Variants in TENM3 observed in about 807,000 individuals in gnomAD.
The protein encoded by TENM3 is teneurin-3.
Under a neutral mutation model 255.1 loss-of-function variants are expected in TENM3, and 63 were observed. The observed-to-expected ratio is 0.25, with a 90% confidence interval of 0.20 to 0.30. The LOEUF is 0.30. Among genes scored for constraint, TENM3 ranks in the 10% least tolerant of loss-of-function variants. The pLI, the probability that TENM3 is intolerant of heterozygous loss-of-function variation, is 1.00. For synonymous variants in TENM3, 1,306 were observed against 1,322.3 expected (o/e 0.99, Z 0.27); for missense variants, 2,929 against 3,461.1 (o/e 0.85, Z 3.86).
At chr4:182,344,706 A>G (rs1489899001) in intron 2 of TENM3, among the ~76,000 whole-genome samples, 2 of 152,082 alleles carry the variant, frequency 1.3e-5, no homozygotes, top group Admixed American at 1.3e-4. Context: ...AAAGGATCTT[A>G]TTTATTTTTC....
At chr4:182,598,706 G>A (rs941748484) in intron 3 of TENM3, among the ~76,000 whole-genome samples, 2 of 152,182 alleles carry the variant, frequency 1.3e-5, no homozygotes, top group African/African-American at 4.8e-5. Flanking sequence ...TCTAGAAAAT[G>A]TACTTGGGAT....
At chr4:182,421,383 A>AAT (rs1186628663) in intron 3 of TENM3, among the ~76,000 whole-genome samples, 1 of 152,172 alleles carries the variant, frequency 6.6e-6, no homozygotes, top group African/African-American at 2.4e-5. Context: ...CAGCCCTGAC[A>AAT]ATATATATAC....
chr4:182,091,366 T>G, the TENM3 span, among the ~76,000 whole-genome samples: 2 of 152,206 alleles, frequency 1.3e-5, no homozygotes, highest in Admixed American at 1.3e-4. Context: ...GCAAAGGGGA[T>G]GCTGAGGTGA....
the TENM3 span, among the ~76,000 whole-genome samples, chr4:182,014,168 A>G: frequency 1.4e-5 from 2 of 147,754 alleles, no homozygotes; most frequent in Non-Finnish European, 3.0e-5. Flanking sequence ...ATACATATAT[A>G]TACATATATA....
intron 22 of TENM3, among the ~76,000 whole-genome samples, chr4:182,756,482 G>A (rs1762754460): frequency 6.6e-6 from 1 of 152,130 alleles, no homozygotes; most frequent in Non-Finnish European, 1.5e-5. Flanking sequence ...AGCCATGAGG[G>A]GAAATGAGAT....
At chr4:182,648,888 T>C (rs1250056239) in intron 5 of TENM3, among the ~76,000 whole-genome samples, 1 of 152,196 alleles carries the variant, frequency 6.6e-6, no homozygotes, top group East Asian at 1.9e-4. Context: ...ATCTATATTG[T>C]TGTGTCTGCC....
chr4:181,747,757 TA>T, the TENM3 span, among the ~76,000 whole-genome samples: 10 of 152,186 alleles, frequency 6.6e-5, no homozygotes, highest in South Asian at 4.1e-4. Flanking sequence ...TAAATGAATT[TA>T]TGTTCTAGAA....
the TENM3 span, among the ~76,000 whole-genome samples, chr4:181,893,487 G>GCCCCC: frequency 5.8e-4 from 43 of 74,736 alleles, no homozygotes; most frequent in Non-Finnish European, 7.7e-4. Context: ...ACTTTCCCCT[G>GCCCCC]CCCACCCCCC....
At chr4:181,634,389 T>C in the TENM3 span, among the ~76,000 whole-genome samples, 1 of 142,274 alleles carries the variant, frequency 7.0e-6, no homozygotes, top group Non-Finnish European at 1.6e-5. Flanking sequence ...TAATTCTTTT[T>C]TTTTTTTTTT....
the TENM3 span, among the ~76,000 whole-genome samples, chr4:181,584,050 T>C: frequency 6.6e-6 from 1 of 152,192 alleles, no homozygotes; most frequent in East Asian, 1.9e-4. Flanking sequence ...GCACTCCTGT[T>C]TGCCTTTCAA....
chr4:181,682,954 C>A, the TENM3 span, among the ~76,000 whole-genome samples: 2 of 151,900 alleles, frequency 1.3e-5, no homozygotes, highest in East Asian at 1.9e-4. Context: ...TAGCTCACAC[C>A]TTTAATCCCA....
the TENM3 span, among the ~76,000 whole-genome samples, chr4:181,452,748 T>C: frequency 6.6e-6 from 1 of 152,306 alleles, no homozygotes; most frequent in South Asian, 2.1e-4. Context: ...AGCAATTTTG[T>C]GCAGAGCATA....
chr4:181,999,159 C>T, the TENM3 span, among the ~76,000 whole-genome samples: 1 of 152,134 alleles, frequency 6.6e-6, no homozygotes, highest in Non-Finnish European at 1.5e-5. Flanking sequence ...AACCTTGTCT[C>T]TCATCCTTCT....
At chr4:182,561,452 A>T (rs1047265467) in intron 3 of TENM3, among the ~76,000 whole-genome samples, 1 of 151,816 alleles carries the variant, frequency 6.6e-6, no homozygotes, top group African/African-American at 2.4e-5. Context: ...ATATTAAAAA[A>T]AAAAGGAAAG....
rs199857813 is a variant in TENM3, at chr4:182,751,905, G to A, written c.3735G>A (p.Thr1245=). ...GAATTTATCGCCCAAAGTCACTTAC[G>A]GGGGCAAAAGACTTGACTAAAAATG... ...TRRIYRPKSL[T]GAKDLTKNAE... Residue 1245 remains threonine (T), a synonymous_variant, in exon 20 of 28, where the codon ACG becomes ACA. Transcript: ENST00000511685. The A allele has an allele frequency of 2.0e-5, 32 of 1,613,608 alleles. No homozygotes were observed. The highest frequency in any genetic ancestry group is 1.1e-4 in the South Asian group (10 of 91,072).
At chr4:182,697,752 C>T (rs535938128) in intron 12 of TENM3, 1 of 152,300 alleles carries the variant, frequency 6.6e-6, no homozygotes, top group Admixed American at 6.5e-5. Flanking sequence ...TTTATAAACA[C>T]TACTTTAGCC....
chr4:181,841,241 A>G, the TENM3 span, among the ~76,000 whole-genome samples: 2 of 152,108 alleles, frequency 1.3e-5, no homozygotes, highest in Non-Finnish European at 2.9e-5. Flanking sequence ...TTTATTAAAT[A>G]TATTTTCTTA....
At chr4:181,901,118 A>G in the TENM3 span, among the ~76,000 whole-genome samples, 1 of 152,216 alleles carries the variant, frequency 6.6e-6, no homozygotes, top group Non-Finnish European at 1.5e-5. Flanking sequence ...CAAAAATCAT[A>G]GCCCTTCTAT....
intron 3 of TENM3, among the ~76,000 whole-genome samples, chr4:182,367,409 T>G (rs1378959374): frequency 6.6e-6 from 1 of 152,120 alleles, no homozygotes; most frequent in Non-Finnish European, 1.5e-5. Context: ...CTGGCCAGTC[T>G]AGGTCCTAGA....
Sources: gnomAD v4.1 joint callset for allele counts (sites outside exome capture counted in the v4.1 genomes callset) on GRCh38, gnomAD v4.1.1 for gene constraint, MANE v1.5 for transcripts, NCBI Gene and HGNC (gene_info 2026-07-23, HGNC 2026-07-21) for gene names.